Variants in C16orf90 observed in about 807,000 individuals in gnomAD.
C16orf90 encodes the protein uncharacterized protein C16orf90.
In C16orf90, 17 loss-of-function variants were observed where a neutral mutation model predicts 17.1. The observed-to-expected ratio is 1.00, with a 90% CI of 0.68 to 1.49. The LOEUF (loss-of-function observed/expected upper bound fraction) is 1.49, where lower values mean the gene tolerates loss of function less well. Ranked by LOEUF, C16orf90 falls within the 40% of genes most tolerant of loss-of-function variation. C16orf90 has a pLI of 0.00. For synonymous variants in C16orf90, 108 were observed against 95.8 expected, an observed-to-expected ratio of 1.13 and a Z score of -0.75; for missense variants, 255 against 235.5, an observed-to-expected ratio of 1.08 and a Z score of -0.54.
rs1335743131 is a variant in C16orf90 at position 3,493,490 on chromosome 16, C to T, written c.*349G>A. On this transcript the variant is annotated 3_prime_UTR_variant, in exon 3 of 3. Transcript: ENST00000437192. ...AGGCAGATGGACAAGAACGTGCAGG[C>T]CTTGGCTTTTATTGAGATCAGAGCT... The T allele has an allele frequency of 5.4e-6, 1 of 186,428 alleles. No homozygotes were observed. The highest frequency in any genetic ancestry group is 1.1e-5 in the Non-Finnish European group (1 of 87,904). The allele number at this position is 186,428 out of a possible 1,614,324, so 11.5% of individuals were successfully genotyped here.
chr16:3,496,154 A>AG (rs1555491215), upstream of C16orf90: 44 of 427,580 alleles, frequency 1.0e-4, no homozygotes, highest in Non-Finnish European at 1.9e-4. Flanking sequence ...AAAAAAAAAA[A>AG]GTTAAACATT....
Position 3,493,718 on chromosome 16 carries a change from T to C in C16orf90, c.*121A>G, listed in dbSNP as rs2037261063. 2 of 927,782 alleles carry C rather than the reference T, an allele frequency of 2.2e-6. No individual in the cohort carries two copies. Among genetic ancestry groups the C allele is most frequent in the South Asian group, 3.5e-5 (2 of 56,642 alleles). 57.5% of individuals were successfully genotyped at this position (927,782 alleles called of 1,614,324 possible). On this transcript the variant is annotated 3_prime_UTR_variant, in exon 3 of 3. Coordinates refer to ENST00000437192, the MANE Select transcript of C16orf90 (RefSeq NM_001080524.2). ...TCTCCCGAGGCCCAGGCCTGGGCGC[T>C]GGGCCGCTGCCTGGGCCACCCCATG...
chr16:3,495,353 C>T, intron 1 of C16orf90, 23 bp downstream of exon 1: 9 of 1,596,746 alleles, frequency 5.6e-6, no homozygotes, highest in Non-Finnish European at 7.7e-6. Flanking sequence ...CTCTTCCTGC[C>T]ACTCCTCCCC....
chr16:3,496,256 A>G (rs986132205), upstream of C16orf90: 1 of 694,818 alleles, frequency 1.4e-6, no homozygotes, highest in Non-Finnish European at 2.6e-6. Flanking sequence ...AAAGAGCCCA[A>G]GAGCCAGGAT....
chr16:3,495,244 G>T, intron 1 of C16orf90, 132 bp downstream of exon 1: 1 of 1,056,380 alleles, frequency 9.5e-7, no homozygotes, highest in Non-Finnish European at 1.4e-6. Flanking sequence ...CAGCCCAGGG[G>T]CTCATGGCCT....
At chr16:3,494,278 G>A in intron 2 of C16orf90, among the ~76,000 whole-genome samples, 1 of 152,140 alleles carries the variant, frequency 6.6e-6, no homozygotes, top group Middle Eastern at 3.2e-3. Context: ...TGGAGCTGGG[G>A]CAGTCACCCA....
At chr16:3,495,970 C>G (rs2037303233), upstream of C16orf90, among the ~76,000 whole-genome samples, 6 of 152,046 alleles carry the variant, frequency 3.9e-5, no homozygotes, top group Admixed American at 3.9e-4. Context: ...GAAACCCCGT[C>G]TCTACTAAAA....
At chr16:3,495,295 T>C in intron 1 of C16orf90, 81 bp downstream of exon 1, 1 of 1,500,918 alleles carries the variant, frequency 6.7e-7, no homozygotes, top group Non-Finnish European at 9.1e-7. Context: ...TACATGTCCC[T>C]GAGGCCACCC....
Position 3,494,808 on chromosome 16 carries a change from A to C in C16orf90, c.116T>G (p.Leu39Arg), listed in dbSNP as rs1427167577. The C allele has an allele frequency of 6.4e-7, 1 of 1,574,122 alleles. No individual in the cohort carries two copies. The highest frequency in any genetic ancestry group is 1.9e-5 in the Admixed American group (1 of 52,650). Residue 39 changes from leucine (L) to arginine (R), a missense_variant, in exon 2 of 3, where the codon CTG (leucine) becomes CGG (arginine). Coordinates refer to ENST00000437192, the MANE Select transcript of C16orf90 (RefSeq NM_001080524.2). ...GGGGCACTGCGGCTGCGGGGACCCC[A>C]GGCCCCCCTCGTAGATGTTGGGGGG... ...DAPPNIYEGG[L>R]GSPQPQCPSA...
intron 2 of C16orf90, 120 bp from the exon 3 acceptor site, chr16:3,494,107 G>A: frequency 1.2e-6 from 1 of 826,338 alleles, no homozygotes; most frequent in Admixed American, 2.7e-5. Flanking sequence ...AGGGAGGAGG[G>A]CAATGCTTCC....
chr16:3,496,379 C>A, upstream of C16orf90: 1 of 1,197,580 alleles, frequency 8.4e-7, no homozygotes, highest in Non-Finnish European at 1.2e-6. Flanking sequence ...CACCAACCGG[C>A]CACCTCTGTC....
In C16orf90 at chr16:3,493,831, C is replaced by T. The variant is rs759479731; in HGVS notation, c.*8G>A. On this transcript the variant is annotated 3_prime_UTR_variant, in exon 3 of 3. Coordinates refer to ENST00000437192, the MANE Select transcript of C16orf90 (RefSeq NM_001080524.2). Reference sequence around the variant, plus strand: ...CCCTCCTGTACCCAGTCCTGGCACTCGGGATCCCTATGGCCTCTCCAGGGC... The same window carrying T: ...CCCTCCTGTACCCAGTCCTGGCACTTGGGATCCCTATGGCCTCTCCAGGGC... The T allele has an allele frequency of 2.6e-5, 41 of 1,594,346 alleles. No homozygotes were observed. The African/African-American group carries it at 3.9e-4, about 15-fold the overall frequency.
upstream of C16orf90, chr16:3,496,171 T>C (rs982175076): frequency 4.0e-6 from 2 of 498,244 alleles, no homozygotes; most frequent in Non-Finnish European, 7.7e-6. Context: ...CATTCATCTT[T>C]CCGGACCTGG....
chr16:3,496,499 T>A, upstream of C16orf90: 1 of 643,316 alleles, frequency 1.6e-6, no homozygotes, highest in Non-Finnish European at 2.8e-6. Context: ...TGCCCAAACT[T>A]AAGGTGTGTG....
intron 1 of C16orf90, 108 bp downstream of exon 1, chr16:3,495,268 T>G: frequency 7.5e-7 from 1 of 1,330,016 alleles, no homozygotes; most frequent in Non-Finnish European, 1.1e-6. Flanking sequence ...CCAGTGGCCA[T>G]TCCCCTCTCC....
Position 3,494,753 on chromosome 16 carries a change from G to A in C16orf90, c.171C>T (p.Phe57=), listed in dbSNP as rs61732404. The change falls in exon 2 of 3, where the codon TTC becomes TTT. Residue 57 remains phenylalanine, a synonymous_variant. Transcript: ENST00000437192. The part of the protein sequence containing the change: ...PSAQGSKPKN[F]RLRHLRGLGL... Reference sequence around the variant, plus strand: ...CCAGGCCCCGGAGGTGGCGCAGCCGGAAGTTCTTGGGCTTGCTTCCCTGGG... The same window carrying A: ...CCAGGCCCCGGAGGTGGCGCAGCCGAAAGTTCTTGGGCTTGCTTCCCTGGG... 7.7e-4 allele frequency: 1,240 copies of A among 1,603,588 alleles called. 3 individuals are homozygous for A. The African/African-American group carries it at 9.7e-3, about 13-fold the overall frequency.
upstream of C16orf90, chr16:3,496,412 A>C (rs2037310740): frequency 8.9e-6 from 9 of 1,009,706 alleles, no homozygotes; most frequent in Middle Eastern, 2.4e-4. Flanking sequence ...GATCCGGAAG[A>C]TGAAGCTTCC....
upstream of C16orf90, chr16:3,496,202 T>C (rs959284159): frequency 1.8e-6 from 1 of 559,692 alleles, no homozygotes; most frequent in African/African-American, 1.9e-5. Context: ...AGCGCCATCA[T>C]GGGAGCTGAC....
intron 1 of C16orf90, 49 bp downstream of exon 1, chr16:3,495,327 G>T: frequency 6.4e-7 from 1 of 1,571,286 alleles, no homozygotes; most frequent in South Asian, 1.2e-5. Context: ...GCCCAGGTGG[G>T]GACAGAAGCC....
Sources: gnomAD v4.1 joint callset for allele counts (sites outside exome capture counted in the v4.1 genomes callset) on GRCh38, gnomAD v4.1.1 for gene constraint, MANE v1.5 for transcripts, NCBI Gene and HGNC (gene_info 2026-07-23, HGNC 2026-07-21) for gene names.